The following SLIT3 variants were observed in gnomAD, a reference collection of about 807,000 sequenced individuals.
The protein encoded by SLIT3 is slit homolog 3 protein.
A neutral mutation model predicts 184.0 loss-of-function variants in SLIT3; 68 were observed. The ratio of observed to expected loss-of-function variants is 0.37; its 90% confidence interval spans 0.30 to 0.45. SLIT3 has a LOEUF of 0.45. SLIT3 is among the 20% of genes least tolerant of loss of function. SLIT3 has a pLI of 1.00. For synonymous variants in SLIT3, 831 were observed against 828.6 expected, an observed-to-expected ratio of 1.00 and a Z score of -0.05; for missense variants, 1,707 against 2,026.0, an observed-to-expected ratio of 0.84 and a Z score of 3.02.
At chr5:168,989,825 T>G (rs1358855722) in intron 4 of SLIT3, among the ~76,000 whole-genome samples, 1 of 152,200 alleles carries the variant, frequency 6.6e-6, no homozygotes, top group Non-Finnish European at 1.5e-5. Context: ...AACAAGTTAT[T>G]CACCCATCTG....
chr5:169,152,184 C>T (rs1762137495), intron 4 of SLIT3, among the ~76,000 whole-genome samples: 1 of 152,176 alleles, frequency 6.6e-6, no homozygotes, highest in Non-Finnish European at 1.5e-5. Flanking sequence ...GGCTCAAATG[C>T]TTGCTCTGTA....
rs77770800 is a variant in SLIT3, at chr5:168,988,997, T to C, written c.414-105661A>G. Among the ~76,000 whole-genome samples the C allele has an allele frequency of 7.2e-5, 11 of 152,348 alleles. No individual in the cohort carries two copies. In the East Asian group the frequency reaches 2.1e-3, roughly 29 times the overall value. On this transcript the variant is annotated intron_variant, in intron 4 of 35. Coordinates refer to ENST00000519560, the MANE Select transcript of SLIT3 (RefSeq NM_003062.4). Reference sequence around the variant, plus strand: ...TGCTAAAGCAAACTCCTGCTCTCAATGTTATTGGACATTTACATCTTCAGT... The same window carrying C: ...TGCTAAAGCAAACTCCTGCTCTCAACGTTATTGGACATTTACATCTTCAGT...
chr5:169,039,051 CT>C (rs146153080), intron 4 of SLIT3, among the ~76,000 whole-genome samples: 3,436 of 151,270 alleles, frequency 0.023, 144 homozygotes, highest in African/African-American at 0.079. Flanking sequence ...CCTCAGTCAT[CT>C]TTTTTTTTGA....
chr5:169,115,920 G>A (rs554243907), intron 4 of SLIT3, among the ~76,000 whole-genome samples: 11 of 152,268 alleles, frequency 7.2e-5, no homozygotes, highest in South Asian at 6.2e-4. Flanking sequence ...GGCACAGTGC[G>A]CCCTGCAAAG....
chr5:169,027,321 G>C (rs1756866106), intron 4 of SLIT3, among the ~76,000 whole-genome samples: 1 of 152,146 alleles, frequency 6.6e-6, no homozygotes, highest in South Asian at 2.1e-4. Flanking sequence ...GAAAAGACTA[G>C]CCTTTGTTAT....
At chr5:168,928,278 A>G (rs1295717661) in intron 4 of SLIT3, among the ~76,000 whole-genome samples, 2 of 152,268 alleles carry the variant, frequency 1.3e-5, no homozygotes, top group Non-Finnish European at 2.9e-5. Context: ...AGGAAATACC[A>G]GTAAAAATAA....
chr5:169,251,598 GC>G, intron 1 of SLIT3, 139 bp from the exon 2 acceptor site: 2 of 661,926 alleles, frequency 3.0e-6, no homozygotes, highest in Non-Finnish European at 5.6e-6. Flanking sequence ...CCTTGAGCGT[GC>G]CCGGCTAACC....
At chr5:168,925,664 TA>T (rs79576362) in intron 4 of SLIT3, among the ~76,000 whole-genome samples, 13,457 of 137,282 alleles carry the variant, frequency 0.098, 696 homozygotes, top group African/African-American at 0.17. Flanking sequence ...TCTGCCCTGT[TA>T]AAAAAAAAAA....
At chr5:168,952,571 T>TAA (rs70979115) in intron 4 of SLIT3, among the ~76,000 whole-genome samples, 2,151 of 51,588 alleles carry the variant, frequency 0.042, 95 homozygotes, top group African/African-American at 0.14. Context: ...CAAAGGGATT[T>TAA]AAAAAAAAAA....
chr5:168,859,853 G>A (rs1561972810), intron 5 of SLIT3, among the ~76,000 whole-genome samples: 1 of 152,094 alleles, frequency 6.6e-6, no homozygotes, highest in African/African-American at 2.4e-5. Context: ...GGCTGTCCAC[G>A]TCTTCCAGTC....
intron 20 of SLIT3, among the ~76,000 whole-genome samples, chr5:168,747,084 C>A (rs929077227): frequency 3.9e-5 from 6 of 152,022 alleles, no homozygotes; most frequent in African/African-American, 1.2e-4. Context: ...CCTGGCTCTG[C>A]CCGCTCCCAT....
At chr5:168,736,675 GGCTTGCCTCCTCCCTGCT>G in intron 20 of SLIT3, among the ~76,000 whole-genome samples, 1 of 151,376 alleles carries the variant, frequency 6.6e-6, no homozygotes, top group African/African-American at 2.4e-5. Flanking sequence ...AGAGTGCCTG[GGCTTGCCTCCTCCCTGCT>G]GCAATGCAGA....
intron 4 of SLIT3, among the ~76,000 whole-genome samples, chr5:168,950,104 CT>C (rs1251473131): frequency 7.1e-6 from 1 of 139,936 alleles, no homozygotes; most frequent in Non-Finnish European, 1.6e-5. Flanking sequence ...TAATGTGATG[CT>C]ATTTAGAGGT....
At chr5:168,768,102 G>C (rs1237720815) in intron 14 of SLIT3, 2 of 450,562 alleles carry the variant, frequency 4.4e-6, no homozygotes, top group East Asian at 1.3e-4. Flanking sequence ...CTCCAGAGCA[G>C]AGGAGAGGTG....
At chr5:169,112,861 C>CT (rs1296351218) in intron 4 of SLIT3, among the ~76,000 whole-genome samples, 1 of 152,100 alleles carries the variant, frequency 6.6e-6, no homozygotes, top group Non-Finnish European at 1.5e-5. Context: ...TTGGGCGGCC[C>CT]TTCTCCCATG....
chr5:169,127,887 C>T (rs1761141621), intron 4 of SLIT3, among the ~76,000 whole-genome samples: 1 of 152,096 alleles, frequency 6.6e-6, no homozygotes, highest in Non-Finnish European at 1.5e-5. Context: ...GCTCAAAAGC[C>T]TTAAAAATGT....
At chr5:168,924,633 C>T (rs1761753053) in intron 4 of SLIT3, among the ~76,000 whole-genome samples, 1 of 152,008 alleles carries the variant, frequency 6.6e-6, no homozygotes. Context: ...CCTCAAAATC[C>T]CAAGTAGCTG....
intron 3 of SLIT3, among the ~76,000 whole-genome samples, chr5:169,214,065 C>T (rs182055460): frequency 6.6e-6 from 1 of 152,302 alleles, no homozygotes; most frequent in Non-Finnish European, 1.5e-5. Flanking sequence ...CTACTCAGAA[C>T]AATTGACTAA....
intron 4 of SLIT3, among the ~76,000 whole-genome samples, chr5:168,965,839 T>C (rs1051581008): frequency 2.0e-5 from 3 of 152,308 alleles, no homozygotes; most frequent in East Asian, 1.9e-4. Flanking sequence ...ACCTCTCCAA[T>C]TGTGAACTCA....
Sources: allele counts gnomAD v4.1 joint callset (sites outside exome capture counted in the v4.1 genomes callset), GRCh38; gene constraint gnomAD v4.1.1; transcripts MANE v1.5; gene names NCBI Gene and HGNC (gene_info 2026-07-23, HGNC 2026-07-21).